Variants in RIMKLB observed in about 807,000 individuals in gnomAD.
RIMKLB encodes the protein beta-citrylglutamate synthase B.
A neutral mutation model predicts 32.0 loss-of-function variants in RIMKLB; 7 were observed. The ratio of observed to expected loss-of-function variants is 0.22; its 90% confidence interval spans 0.12 to 0.41. The LOEUF is 0.41. Ranked by LOEUF, RIMKLB falls within the 10% of genes least tolerant of loss-of-function variation. The pLI, the probability that RIMKLB is intolerant of heterozygous loss-of-function variation, is 1.00. For synonymous variants in RIMKLB, 172 were observed against 185.1 expected, an observed-to-expected ratio of 0.93 and a Z score of 0.57; for missense variants, 289 against 498.7, an observed-to-expected ratio of 0.58 and a Z score of 4.00.
intron 2 of RIMKLB, among the ~76,000 whole-genome samples, chr12:8,720,681 A>G (rs1315282205): frequency 6.6e-6 from 1 of 152,106 alleles, no homozygotes; most frequent in African/African-American, 2.4e-5. Flanking sequence ...CTGGGATTAT[A>G]GGTGCCTGCC....
At chr12:8,765,872 A>C (rs762450498) in intron 5 of RIMKLB, among the ~76,000 whole-genome samples, 1 of 152,140 alleles carries the variant, frequency 6.6e-6, no homozygotes, top group South Asian at 2.1e-4. Flanking sequence ...AAGTTTGTAC[A>C]TATGGCACTT....
the RIMKLB span, among the ~76,000 whole-genome samples, chr12:8,669,199 G>C: frequency 6.6e-6 from 1 of 152,078 alleles, no homozygotes; most frequent in African/African-American, 2.4e-5. Flanking sequence ...GCTGGCAAGA[G>C]AGGAAGGAAG....
intron 2 of RIMKLB, among the ~76,000 whole-genome samples, chr12:8,714,568 T>C (rs1030567366): frequency 2.6e-5 from 4 of 152,344 alleles, no homozygotes; most frequent in African/African-American, 9.6e-5. Flanking sequence ...TATAAACTAA[T>C]ACGGTTTTAT....
At chr12:8,676,217 C>T in the RIMKLB span, among the ~76,000 whole-genome samples, 1 of 151,450 alleles carries the variant, frequency 6.6e-6, no homozygotes, top group Non-Finnish European at 1.5e-5. Context: ...GGACCACAAG[C>T]GTATACCACC....
intron 5 of RIMKLB, among the ~76,000 whole-genome samples, chr12:8,756,750 G>GGT (rs1179906386): frequency 1.5e-5 from 2 of 133,892 alleles, no homozygotes; most frequent in Non-Finnish European, 3.1e-5. Flanking sequence ...GAAGTACGGT[G>GGT]GTGTGATCTC....
the RIMKLB span, among the ~76,000 whole-genome samples, chr12:8,675,647 G>C: frequency 6.6e-6 from 1 of 152,220 alleles, no homozygotes; most frequent in Non-Finnish European, 1.5e-5. Flanking sequence ...GTGAAGTCAG[G>C]AAGTTAAGGG....
chr12:8,718,042 C>G (rs1945035650), intron 2 of RIMKLB, among the ~76,000 whole-genome samples: 1 of 152,176 alleles, frequency 6.6e-6, no homozygotes, highest in Admixed American at 6.5e-5. Flanking sequence ...TTTTCAGCCT[C>G]TGTGCCTCAA....
Position 8,774,532 on chromosome 12 carries a change from T to C in RIMKLB, c.*748T>C, listed in dbSNP as rs1950614731. 1.0e-6 allele frequency: 1 copy of C among 982,962 alleles called. No individual in the cohort carries two copies. The highest frequency in any genetic ancestry group is 1.8e-5 in the African/African-American group (1 of 57,124). 60.9% of individuals were successfully genotyped at this position (982,962 alleles called of 1,614,324 possible). On this transcript the variant is annotated 3_prime_UTR_variant, in exon 6 of 6. Coordinates refer to ENST00000535829, the MANE Select transcript of RIMKLB (RefSeq NM_001297776.2). Reference sequence around the variant, plus strand: ...ATGTGCATTCACTTGTATTTGTTAGTGTTTTAGTCTTTTTTGAAAGATGTG... The same window carrying C: ...ATGTGCATTCACTTGTATTTGTTAGCGTTTTAGTCTTTTTTGAAAGATGTG...
chr12:8,750,266 G>A, intron 3 of RIMKLB, among the ~76,000 whole-genome samples, 174 bp downstream of exon 3: 1 of 152,158 alleles, frequency 6.6e-6, no homozygotes, highest in East Asian at 1.9e-4. Flanking sequence ...GGGGAAAATA[G>A]GGTTAGAAAA....
At chr12:8,676,014 A>C in the RIMKLB span, among the ~76,000 whole-genome samples, 1 of 152,210 alleles carries the variant, frequency 6.6e-6, no homozygotes, top group Admixed American at 6.5e-5. Flanking sequence ...AACATGCTAT[A>C]GCCATATGTG....
chr12:8,713,386 CG>C (rs1944541976), intron 1 of RIMKLB, among the ~76,000 whole-genome samples: 1 of 151,694 alleles, frequency 6.6e-6, no homozygotes, highest in South Asian at 2.1e-4. Flanking sequence ...TATACTTAAG[CG>C]GGGTTTCTAG....
chr12:8,701,780 G>A (rs1325409268), intron 1 of RIMKLB, among the ~76,000 whole-genome samples: 5 of 151,546 alleles, frequency 3.3e-5, no homozygotes, highest in South Asian at 2.1e-4. Flanking sequence ...TGAGGCAGGC[G>A]GATCACTTGA....
At position 8,722,799 on chromosome 12, in the gene RIMKLB, A is replaced by G. The variant is rs1945592195; in HGVS notation, c.175+8758A>G. Among the ~76,000 whole-genome samples, 3 of 152,342 alleles carry G rather than the reference A, an allele frequency of 2.0e-5. No individual in the cohort carries two copies. In the South Asian group the frequency reaches 6.2e-4, roughly 32 times the overall value. On this transcript the variant is annotated intron_variant, in intron 2 of 5. Coordinates refer to ENST00000535829, the MANE Select transcript of RIMKLB (RefSeq NM_001297776.2). ...ATAAGCAGCTGCCGCTTTACCTTGC[A>G]CTTTGCACTGTGCTATACAGATGGC... is the stretch of plus-strand genomic sequence containing the variant.
At chr12:8,746,627 T>C (rs1027938712) in intron 2 of RIMKLB, among the ~76,000 whole-genome samples, 1 of 150,624 alleles carries the variant, frequency 6.6e-6, no homozygotes, top group Non-Finnish European at 1.5e-5. Context: ...GAAAAAGATA[T>C]CAAGATGCTC....
chr12:8,693,401 C>CTTTTTT (rs397849959), upstream of RIMKLB, among the ~76,000 whole-genome samples: 1 of 141,110 alleles, frequency 7.1e-6, no homozygotes, highest in Non-Finnish European at 1.5e-5. Flanking sequence ...TTCTTTCTTT[C>CTTTTTT]TTTTTTTTTT....
chr12:8,671,167 C>A, the RIMKLB span, among the ~76,000 whole-genome samples: 1 of 152,116 alleles, frequency 6.6e-6, no homozygotes, highest in Non-Finnish European at 1.5e-5. Flanking sequence ...TCCCCATGGT[C>A]TTGGGGCTTA....
intron 1 of RIMKLB, among the ~76,000 whole-genome samples, chr12:8,706,971 T>C (rs950919238): frequency 6.6e-6 from 1 of 152,162 alleles, no homozygotes; most frequent in Non-Finnish European, 1.5e-5. Flanking sequence ...GGGGATCATA[T>C]GCAGAAGGAG....
intron 7 of RIMKLB, among the ~76,000 whole-genome samples, chr12:8,782,461 C>G (rs758544837): frequency 2.8e-4 from 43 of 151,982 alleles, no homozygotes; most frequent in Non-Finnish European, 2.8e-4. Context: ...ACAAAACTTG[C>G]AGATTAGAAA....
chr12:8,771,716 T>A (rs1950413873), intron 5 of RIMKLB, among the ~76,000 whole-genome samples: 1 of 152,158 alleles, frequency 6.6e-6, no homozygotes, highest in African/African-American at 2.4e-5. Context: ...TAGATATATT[T>A]GTGTCTTATC....
Sources: allele counts gnomAD v4.1 joint callset (sites outside exome capture counted in the v4.1 genomes callset), GRCh38; gene constraint gnomAD v4.1.1; transcripts MANE v1.5; gene names NCBI Gene and HGNC (gene_info 2026-07-23, HGNC 2026-07-21).